RXFP1: variants seen among roughly 807,000 people sequenced by gnomAD.
RXFP1 encodes relaxin family peptide receptor 1.
In RXFP1, 73 loss-of-function variants were observed where a neutral mutation model predicts 89.8. The observed-to-expected ratio is 0.81, with a 90% confidence interval of 0.67 to 0.99. The LOEUF is 0.99. Among genes scored for constraint, RXFP1 ranks in the 50% least tolerant of loss-of-function variants. The probability of loss-of-function intolerance (pLI) is 0.00; values close to 1 mark genes in which losing one functional copy is unlikely to be tolerated. For missense variants in RXFP1, 793 were observed against 895.5 expected (o/e 0.89, Z 1.46); for synonymous variants, 277 against 305.5 (o/e 0.91, Z 0.97).
intron 14 of RXFP1, among the ~76,000 whole-genome samples, chr4:158,640,406 T>TAA (rs1770136627): frequency 6.6e-6 from 1 of 152,184 alleles, no homozygotes. Flanking sequence ...CTGTAAGTTG[T>TAA]AAGAGAAGCA....
intron 1 of RXFP1, among the ~76,000 whole-genome samples, chr4:158,547,464 A>C (rs1013562235): frequency 5.3e-5 from 8 of 151,584 alleles, no homozygotes; most frequent in Admixed American, 5.3e-4. Flanking sequence ...TTCTGCTCTG[A>C]CTTTAGTTAT....
intron 2 of RXFP1, among the ~76,000 whole-genome samples, chr4:158,585,324 G>A (rs1391670951): frequency 6.6e-6 from 1 of 152,150 alleles, no homozygotes; most frequent in Non-Finnish European, 1.5e-5. Flanking sequence ...CTCTTCTCAA[G>A]GATATTCCTG....
In RXFP1 at chr4:158,563,533, CACA is replaced by C. The variant is rs1561017116; in HGVS notation, c.50-9164_50-9162del. On this transcript the variant is annotated intron_variant, in intron 1 of 17. Coordinates refer to ENST00000307765, the MANE Select transcript of RXFP1 (RefSeq NM_021634.4). ...ACACACACACACACACACACACACA[CACA>C]CCCCAACAGGAATACTGAAATAAAT... Among the ~76,000 whole-genome samples, 1,371 of 147,218 alleles carry C rather than the reference CACA, an allele frequency of 9.3e-3. 18 individuals carry two copies. The highest frequency in any genetic ancestry group is 0.032 in the African/African-American group (1,293 of 40,420).
intron 14 of RXFP1, among the ~76,000 whole-genome samples, chr4:158,643,216 T>C (rs1037815251): frequency 3.9e-5 from 6 of 152,188 alleles, no homozygotes; most frequent in African/African-American, 1.2e-4. Context: ...TGCAAGCTTC[T>C]AGCTTGCTTT....
chr4:158,563,265 C>T (rs1445677714), intron 1 of RXFP1, among the ~76,000 whole-genome samples: 2 of 152,150 alleles, frequency 1.3e-5, no homozygotes, highest in Non-Finnish European at 2.9e-5. Context: ...TCTCAAATGT[C>T]TTCACCTTAA....
intron 15 of RXFP1, chr4:158,646,494 T>C: frequency 3.2e-6 from 4 of 1,265,074 alleles, no homozygotes; most frequent in Non-Finnish European, 4.0e-6. Flanking sequence ...TCGACACTTC[T>C]ATGTGATGGG....
chr4:158,586,975 T>C, intron 2 of RXFP1, among the ~76,000 whole-genome samples: 1 of 151,642 alleles, frequency 6.6e-6, no homozygotes, highest in East Asian at 1.9e-4. Flanking sequence ...AGAAGCCGAG[T>C]GAAAGAAAAT....
At chr4:158,646,455 C>T in intron 15 of RXFP1, 1 of 1,237,648 alleles carries the variant, frequency 8.1e-7, no homozygotes, top group Admixed American at 3.2e-5. Context: ...TAACTGAATG[C>T]TCTACGTGAT....
chr4:158,617,673 T>A (rs1764860745), intron 9 of RXFP1, among the ~76,000 whole-genome samples: 1 of 152,266 alleles, frequency 6.6e-6, no homozygotes, highest in Non-Finnish European at 1.5e-5. Context: ...GTAGCTTTGC[T>A]TGTAGTAATA....
chr4:158,614,043 C>A (rs990967970), intron 8 of RXFP1, among the ~76,000 whole-genome samples: 3 of 152,158 alleles, frequency 2.0e-5, no homozygotes, highest in Non-Finnish European at 4.4e-5. Context: ...TGCCAGTGAG[C>A]AGTGTATCTT....
chr4:158,628,837 TAC>T, intron 11 of RXFP1, 128 bp downstream of exon 11: 1 of 446,838 alleles, frequency 2.2e-6, no homozygotes, highest in Non-Finnish European at 4.0e-6. Context: ...TTTACATATA[TAC>T]ACCTCAAGCC....
At chr4:158,582,784 G>A (rs1009995398) in intron 2 of RXFP1, among the ~76,000 whole-genome samples, 4 of 152,166 alleles carry the variant, frequency 2.6e-5, no homozygotes, top group Non-Finnish European at 4.4e-5. Context: ...ACCAATATGG[G>A]AAATGTGTGG....
intron 16 of RXFP1, among the ~76,000 whole-genome samples, chr4:158,647,933 T>A (rs140251858): frequency 1.0e-3 from 153 of 152,176 alleles, no homozygotes; most frequent in African/African-American, 3.4e-3. Context: ...GGAGAATTGC[T>A]TGAACGCAGA....
intron 1 of RXFP1, among the ~76,000 whole-genome samples, chr4:158,552,365 C>T (rs1203976553): frequency 6.6e-6 from 1 of 152,150 alleles, no homozygotes; most frequent in Non-Finnish European, 1.5e-5. Flanking sequence ...TATGAAACCT[C>T]AGCCACTTTA....
At chr4:158,525,804 T>C (rs1440190631) in intron 1 of RXFP1, among the ~76,000 whole-genome samples, 5 of 152,194 alleles carry the variant, frequency 3.3e-5, no homozygotes, top group Non-Finnish European at 7.3e-5. Flanking sequence ...GAATGAGAAA[T>C]ATTTGGTAGC....
In RXFP1 at chr4:158,529,907, T is replaced by C. The variant is rs965240475; in HGVS notation, c.49+7882T>C. 3.3e-5 allele frequency among the ~76,000 whole-genome samples: 5 copies of C among 152,352 alleles called. No individual in the cohort carries two copies. The South Asian group carries it at 1.0e-3, about 32-fold the overall frequency. On this transcript the variant is annotated intron_variant, in intron 1 of 17. Coordinates refer to ENST00000307765, the MANE Select transcript of RXFP1 (RefSeq NM_021634.4). The stretch of plus-strand genomic sequence containing the variant: ...ACTTCCTCCTCATTAATTAGGACTT[T>C]CATAGAGAACAGCTGCCTGTTAAAC...
chr4:158,541,312 CTT>C (rs1346557237), intron 1 of RXFP1, among the ~76,000 whole-genome samples: 2 of 148,676 alleles, frequency 1.3e-5, no homozygotes, highest in African/African-American at 5.0e-5. Context: ...AATTAAAATT[CTT>C]TGTGACTTAT....
intron 1 of RXFP1, among the ~76,000 whole-genome samples, chr4:158,556,722 C>A (rs985489242): frequency 6.6e-6 from 1 of 152,128 alleles, no homozygotes; most frequent in Non-Finnish European, 1.5e-5. Flanking sequence ...TAAAGATATA[C>A]AGTTCAGCCA....
chr4:158,598,813 A>T (rs569175416), intron 3 of RXFP1, among the ~76,000 whole-genome samples: 3 of 151,178 alleles, frequency 2.0e-5, no homozygotes, highest in South Asian at 4.2e-4. Flanking sequence ...TATTTGAAGA[A>T]CTCCTGATTT....
Sources: allele counts gnomAD v4.1 joint callset (sites outside exome capture counted in the v4.1 genomes callset), GRCh38; gene constraint gnomAD v4.1.1; transcripts MANE v1.5; gene names NCBI Gene and HGNC (gene_info 2026-07-23, HGNC 2026-07-21).